IL17RA: variants seen among roughly 807,000 people sequenced by gnomAD.
The protein encoded by IL17RA is interleukin 17 receptor A.
A neutral mutation model predicts 50.4 loss-of-function variants in IL17RA; 34 were observed. The observed-to-expected ratio is 0.67, with a 90% CI of 0.51 to 0.90. IL17RA has a LOEUF of 0.90. Ranked by LOEUF, IL17RA falls within the 40% of genes least tolerant of loss-of-function variation. IL17RA has a pLI of 0.00. For missense variants in IL17RA, 1,276 were observed against 1,169.8 expected (o/e 1.09, Z -1.32); for synonymous variants, 585 against 510.4 (o/e 1.15, Z -1.97).
intron 1 of IL17RA, among the ~76,000 whole-genome samples, chr22:17,089,993 T>TC (rs2123790783): frequency 6.6e-6 from 1 of 151,798 alleles, no homozygotes; most frequent in South Asian, 2.1e-4. Flanking sequence ...CTTTTTTTTT[T>TC]TGCTTTATTT....
At position 17,085,635 on chromosome 22, in the gene IL17RA, C is replaced by T. The variant is rs2061324756; in HGVS notation, c.138+406C>T. Among the ~76,000 whole-genome samples, 3 of 152,136 alleles carry T rather than the reference C, an allele frequency of 2.0e-5. No homozygotes were observed. In the South Asian group the frequency reaches 6.2e-4, roughly 31 times the overall value. On this transcript the variant is annotated intron_variant, in intron 1 of 12. Transcript: ENST00000319363. ...GGCCCGGGGAGGAGCCAGGACGGGT[C>T]TGGACCCAGCTCCACGCCTTGCGCC... is the stretch of plus-strand genomic sequence containing the variant.
intron 1 of IL17RA, among the ~76,000 whole-genome samples, chr22:17,094,707 A>ATATATATATATATATATATATG (rs2061362690): frequency 1.4e-5 from 1 of 73,044 alleles, no homozygotes; most frequent in Non-Finnish European, 2.6e-5. Context: ...ATATATATAT[A>ATATATATATATATATATATATG]TATATATATA....
At chr22:17,103,904 GGA>G (rs201822543) in intron 8 of IL17RA, among the ~76,000 whole-genome samples, 10 of 96,528 alleles carry the variant, frequency 1.0e-4, no homozygotes, top group Non-Finnish European at 1.7e-4. Flanking sequence ...GTGCACAGGT[GGA>G]GAGAGTGGTG....
At chr22:17,105,707 G>C in intron 10 of IL17RA, 105 bp downstream of exon 10, 2 of 1,369,630 alleles carry the variant, frequency 1.5e-6, no homozygotes, top group East Asian at 4.9e-5. Context: ...GCTGAACCGA[G>C]GCCAGCCCGG....
chr22:17,109,792 G>C lies in IL17RA; in HGVS notation c.2573G>C (p.Gly858Ala). The C allele has an allele frequency of 1.3e-6, 2 of 1,550,366 alleles. No individual in the cohort carries two copies. The highest frequency in any genetic ancestry group is 1.7e-6 in the Non-Finnish European group (2 of 1,147,288). The change falls in exon 13 of 13, where the codon GGG (glycine) becomes GCG (alanine). Residue 858 changes from glycine to alanine, a missense_variant. Gly to Ala is a moderately conservative substitution (Grantham distance 60). Transcript: ENST00000319363. ...LQKNSGWDTMGSESEGPSA is the reference protein window; with the variant it reads ...LQKNSGWDTMASESEGPSA ...AAGAACTCGGGCTGGGACACGATGG[G>C]GTCAGAGTCAGAGGGGCCCAGTGCA...
rs532732809 is a variant in IL17RA at position 17,108,833 on chromosome 22, C to A, written c.1614C>A (p.Asp538Glu). Reference protein sequence around the residue: ...RFEEVYFRIQDLEMFQPGRMH... With the variant: ...RFEEVYFRIQELEMFQPGRMH... ...AGGAGGTGTACTTCCGCATCCAGGA[C>A]CTGGAGATGTTCCAGCCGGGCCGCA... Residue 538 changes from aspartate to glutamate, a missense_variant, in exon 13 of 13, where the codon GAC becomes GAA. Physicochemically the swap from Asp to Glu is conservative, Grantham distance 45. Transcript: ENST00000319363. The A allele has an allele frequency of 5.0e-6, 8 of 1,607,900 alleles. No homozygotes were observed. The highest frequency in any genetic ancestry group is 4.0e-5 in the African/African-American group (3 of 74,974).
chr22:17,085,336 A>T (rs937681929), intron 1 of IL17RA, 107 bp downstream of exon 1: 1 of 1,501,242 alleles, frequency 6.7e-7, no homozygotes, highest in Non-Finnish European at 8.9e-7. Flanking sequence ...GGGAGGCAGG[A>T]AGTCCGCGCC....
intron 1 of IL17RA, among the ~76,000 whole-genome samples, chr22:17,086,336 A>G (rs2061327789): frequency 6.6e-6 from 1 of 150,980 alleles, no homozygotes; most frequent in Non-Finnish European, 1.5e-5. Context: ...TGGAGGATTT[A>G]CCGAAAGAAG....
At chr22:17,095,747 G>A (rs980295785) in intron 1 of IL17RA, among the ~76,000 whole-genome samples, 2 of 150,426 alleles carry the variant, frequency 1.3e-5, no homozygotes, top group East Asian at 2.1e-4. Flanking sequence ...CATGTGCGGA[G>A]CCCCCTAGTG....
chr22:17,110,179 A>C lies in IL17RA; in HGVS notation c.*359A>C. On this transcript the variant is annotated 3_prime_UTR_variant, in exon 13 of 13. Transcript: ENST00000319363. The stretch of plus-strand genomic sequence containing the variant: ...ATGGCCCCAGCCATGAAGGAACTTA[A>C]CCGCTAGTGCCGAGGACACGTTAAA... The C allele has an allele frequency of 2.9e-6, 1 of 349,754 alleles. No homozygotes were observed. Among genetic ancestry groups the C allele is most frequent in the Non-Finnish European group, 5.5e-6 (1 of 183,258 alleles). The allele number at this position is 349,754 out of a possible 1,614,324, so 21.7% of individuals were successfully genotyped here.
At chr22:17,091,591 T>G (rs1051557606) in intron 1 of IL17RA, among the ~76,000 whole-genome samples, 14 of 151,120 alleles carry the variant, frequency 9.3e-5, no homozygotes, top group Non-Finnish European at 1.9e-4. Context: ...GGCAGAAGAA[T>G]GGGGGGAACC....
intron 1 of IL17RA, 45 bp downstream of exon 1, chr22:17,085,274 C>G (rs1377493304): frequency 2.6e-6 from 4 of 1,533,808 alleles, no homozygotes; most frequent in Middle Eastern, 2.2e-4. Flanking sequence ...ATGCTGCGGA[C>G]GCGGGGCAAG....
chr22:17,106,727 T>A (rs2061416423), intron 11 of IL17RA, among the ~76,000 whole-genome samples: 1 of 152,112 alleles, frequency 6.6e-6, no homozygotes, highest in African/African-American at 2.4e-5. Context: ...GTGTTAATCA[T>A]TATTAATTAT....
chr22:17,109,236 G>A lies in IL17RA; in HGVS notation c.2017G>A (p.Glu673Lys). The change falls in exon 13 of 13, where the codon GAG becomes AAG. Residue 673 changes from glutamate to lysine, a missense_variant. Glu to Lys is a moderately conservative substitution (Grantham distance 56). Coordinates refer to ENST00000319363, the MANE Select transcript of IL17RA (RefSeq NM_014339.7). The part of the protein sequence containing the change: ...QPLHTLVLAA[E>K]EGALVAAVEP... ...CCTCCACACCCTGGTGCTCGCCGCA[G>A]AGGAGGGGGCCCTGGTGGCCGCGGT... 6.7e-7 allele frequency: 1 copy of A among 1,492,746 alleles called. No homozygotes were observed. The highest frequency in any genetic ancestry group is 8.9e-7 in the Non-Finnish European group (1 of 1,127,118). The allele number at this position is 1,492,746 out of a possible 1,614,324, so 92.5% of individuals were successfully genotyped here. A position where few individuals can be genotyped will look rare whatever the true frequency, so the allele number is the denominator to read the frequency against.
Position 17,098,411 on chromosome 22 carries a change from G to A in IL17RA, c.311-364G>A, listed in dbSNP as rs553656366. Among the ~76,000 whole-genome samples the A allele has an allele frequency of 2.6e-5, 4 of 152,324 alleles. No individual in the cohort carries two copies. In the East Asian group the frequency reaches 5.8e-4, roughly 22 times the overall value. On this transcript the variant is annotated intron_variant, in intron 3 of 12. Transcript: ENST00000319363. ...GATTTGTGAACGGGGCATGGGGGAA[G>A]TTCTTTTTGGAAGTCCCCGCCCTCA... is the stretch of plus-strand genomic sequence containing the variant.
Position 17,103,485 on chromosome 22 carries a change from TCTC to T in IL17RA, c.763-5_763-3del, listed in dbSNP as rs1467697690. 1 of 1,612,668 alleles carries T rather than the reference TCTC, an allele frequency of 6.2e-7. No individual in the cohort carries two copies. The highest frequency in any genetic ancestry group is 1.3e-5 in the African/African-American group (1 of 74,688). On this transcript the variant is annotated splice_region_variant and splice_polypyrimidine_tract_variant and intron_variant, in intron 7 of 12. Coordinates refer to ENST00000319363, the MANE Select transcript of IL17RA (RefSeq NM_014339.7). The stretch of plus-strand genomic sequence containing the variant: ...AACTAGCCTTACCCATCCTCGCCTC[TCTC>T]CTCAGCCCAGACCAGAAGAGTTCCA...
In IL17RA at chr22:17,105,941, C is replaced by T. The variant is rs753127082; in HGVS notation, c.1032C>T (p.Thr344=). 1 of 1,614,020 alleles carries T rather than the reference C, an allele frequency of 6.2e-7. No homozygotes were observed. Among genetic ancestry groups the T allele is most frequent in the Non-Finnish European group, 8.5e-7 (1 of 1,179,924 alleles). The change falls in exon 11 of 13, where the codon ACC becomes ACT. Residue 344 remains threonine (T), a synonymous_variant. Coordinates refer to ENST00000319363, the MANE Select transcript of IL17RA (RefSeq NM_014339.7). The stretch of plus-strand genomic sequence containing the variant: ...TCATCCTGCTCATCGTCTGCATGAC[C>T]TGGAGGCTAGCTGGTAAGCGCTGGG... ...GSVILLIVCM[T]WRLAGPGSEK...
In IL17RA at chr22:17,109,323, G is replaced by T; in HGVS notation, c.2104G>T (p.Ala702Ser). The T allele has an allele frequency of 1.3e-6, 2 of 1,544,538 alleles. No individual in the cohort carries two copies. Among genetic ancestry groups the T allele is most frequent in the Non-Finnish European group, 1.7e-6 (2 of 1,149,388 alleles). Residue 702 changes from alanine (A) to serine (S), a missense_variant, in exon 13 of 13, where the codon GCC becomes TCC. Physicochemically the swap from Ala to Ser is moderately conservative, Grantham distance 99. Coordinates refer to ENST00000319363, the MANE Select transcript of IL17RA (RefSeq NM_014339.7). ...GCTGGCACTGGCGGGGGAGGGCGAG[G>T]CCTGCCCGCTGCTGGGCAGCCCGGG... ...VRLALAGEGEACPLLGSPGAG... is the reference protein window; with the variant it reads ...VRLALAGEGESCPLLGSPGAG...
intron 7 of IL17RA, among the ~76,000 whole-genome samples, 191 bp downstream of exon 7, chr22:17,102,493 T>C (rs1601344574): frequency 6.6e-6 from 1 of 152,112 alleles, no homozygotes; most frequent in East Asian, 1.9e-4. Context: ...AGAAAGGCAG[T>C]TGACTGTGTC....
Sources: allele counts gnomAD v4.1 joint callset (sites outside exome capture counted in the v4.1 genomes callset), GRCh38; gene constraint gnomAD v4.1.1; transcripts MANE v1.5; gene names NCBI Gene and HGNC (gene_info 2026-07-23, HGNC 2026-07-21).